NCOA2: variants seen among roughly 807,000 people sequenced by gnomAD.
NCOA2 encodes class E basic helix-loop-helix protein 75.
A neutral mutation model predicts 145.1 loss-of-function variants in NCOA2; 21 were observed. That is an observed-to-expected ratio of 0.14 (90% CI 0.10 to 0.21). NCOA2 has a LOEUF of 0.21. Among genes scored for constraint, NCOA2 ranks in the 10% least tolerant of loss-of-function variants. The pLI is 1.00. For missense variants in NCOA2, 1,472 were observed against 1,837.6 expected, an observed-to-expected ratio of 0.80 and a Z score of 3.64; for synonymous variants, 619 against 637.5, an observed-to-expected ratio of 0.97 and a Z score of 0.44.
chr8:70,163,373 T>C (rs1813262048), intron 8 of NCOA2, 92 bp downstream of exon 8: 3 of 881,526 alleles, frequency 3.4e-6, no homozygotes, highest in Non-Finnish European at 5.4e-6. Flanking sequence ...AGTACTAGCA[T>C]CCTTACAGTC....
Position 70,148,376 on chromosome 8 carries a change from A to T in NCOA2, c.2502T>A (p.Val834=). Residue 834 remains valine, a synonymous_variant, in exon 12 of 23, where the codon GTT becomes GTA. Transcript: ENST00000452400. ...GGTCATTGATGATGGCTTGCTTGTC[A>T]ACTGATCCAGCAGGGGCGCCTGGCC... ...DTRPGAPAGS[V]DKQAIINDLM... 1 of 1,614,018 alleles carries T rather than the reference A, an allele frequency of 6.2e-7. No homozygotes were observed. Among genetic ancestry groups the T allele is most frequent in the Non-Finnish European group, 8.5e-7 (1 of 1,179,886 alleles).
chr8:70,248,353 T>C (rs1283708453), intron 2 of NCOA2, among the ~76,000 whole-genome samples: 1 of 152,224 alleles, frequency 6.6e-6, no homozygotes, highest in African/African-American at 2.4e-5. Context: ...TGCAAAGTTC[T>C]CTTGTGCCTG....
the NCOA2 span, among the ~76,000 whole-genome samples, chr8:70,419,352 A>C: frequency 6.6e-6 from 1 of 152,168 alleles, no homozygotes; most frequent in Non-Finnish European, 1.5e-5. Flanking sequence ...ATAGTCAATG[A>C]AAATGTGTGT....
chr8:70,417,245 T>TAAAAAAAAAAAAAAAAAAAAAAAAAAA, the NCOA2 span, among the ~76,000 whole-genome samples: 6 of 77,994 alleles, frequency 7.7e-5, no homozygotes, highest in African/African-American at 4.4e-4. Context: ...TCGTCTCTAT[T>TAAAAAAAAAAAAAAAAAAAAAAAAAAA]AAAAAAAAAA....
intron 1 of NCOA2, among the ~76,000 whole-genome samples, chr8:70,326,433 A>ACACACACACACACACACACACGTG: frequency 6.9e-6 from 1 of 144,658 alleles, no homozygotes; most frequent in Admixed American, 6.8e-5. Context: ...TCTCTCTCAC[A>ACACACACACACACACACACACGTG]CACACACACA....
the NCOA2 span, among the ~76,000 whole-genome samples, chr8:70,439,793 G>A: frequency 2.0e-5 from 3 of 152,306 alleles, no homozygotes; most frequent in Middle Eastern, 3.4e-3. Context: ...GATCAAGCCT[G>A]CATGGACTCT....
intron 1 of NCOA2, among the ~76,000 whole-genome samples, chr8:70,342,777 ACACACAC>A (rs1808252879): frequency 6.2e-5 from 2 of 32,504 alleles, no homozygotes; most frequent in East Asian, 1.5e-3. Flanking sequence ...TTGCAATTAC[ACACACAC>A]ACACACACAC....
intron 1 of NCOA2, among the ~76,000 whole-genome samples, chr8:70,328,426 T>TA (rs1265695730): frequency 6.6e-6 from 1 of 152,228 alleles, no homozygotes; most frequent in East Asian, 1.9e-4. Flanking sequence ...CTAGGTCTCC[T>TA]AGACATCATT....
chr8:70,136,432 C>G (rs1294377967), intron 15 of NCOA2, among the ~76,000 whole-genome samples: 1 of 151,830 alleles, frequency 6.6e-6, no homozygotes, highest in Admixed American at 6.6e-5. Flanking sequence ...TCATGAAAGA[C>G]AGCTATTGTA....
intron 2 of NCOA2, chr8:70,273,756 C>T (rs1825249371): frequency 1.7e-6 from 1 of 602,276 alleles, no homozygotes; most frequent in Non-Finnish European, 3.2e-6. Context: ...TGGAAAAGCA[C>T]CACTTACTAC....
At chr8:70,364,720 A>G (rs188427374) in intron 1 of NCOA2, among the ~76,000 whole-genome samples, 388 of 150,276 alleles carry the variant, frequency 2.6e-3, no homozygotes, top group Non-Finnish European at 4.7e-3. Flanking sequence ...TGACCACTAC[A>G]TTATTCCATC....
intron 1 of NCOA2, among the ~76,000 whole-genome samples, chr8:70,333,078 T>C (rs1195551645): frequency 6.6e-6 from 1 of 152,174 alleles, no homozygotes; most frequent in Non-Finnish European, 1.5e-5. Flanking sequence ...GATTCAAACT[T>C]ATGATTTCAT....
upstream of NCOA2, among the ~76,000 whole-genome samples, chr8:70,404,864 T>C (rs539782081): frequency 1.1e-4 from 16 of 152,050 alleles, no homozygotes; most frequent in African/African-American, 3.4e-4. Context: ...TTCCAACTTA[T>C]ACGGTAATTA....
chr8:70,151,912 T>C lies in NCOA2; in HGVS notation c.2395-3429A>G, dbSNP rs115083470. Among the ~76,000 whole-genome samples the C allele has an allele frequency of 2.7e-3, 412 of 152,248 alleles. 2 individuals carry two copies. The highest frequency in any genetic ancestry group is 7.3e-3 in the African/African-American group (304 of 41,548). ...CAGAATTTTTTTTTTTCTGTATTCA[T>C]GTAAGTTTTGGAAGGAATAAATTTG... On this transcript the variant is annotated intron_variant, in intron 11 of 22. Transcript: ENST00000452400.
intron 4 of NCOA2, among the ~76,000 whole-genome samples, chr8:70,193,524 T>C (rs979551791): frequency 1.3e-5 from 2 of 152,342 alleles, no homozygotes; most frequent in African/African-American, 4.8e-5. Flanking sequence ...TTCAGCTATC[T>C]AACAATATTC....
chr8:70,375,366 G>C (rs1043655624), intron 1 of NCOA2, among the ~76,000 whole-genome samples: 1 of 152,150 alleles, frequency 6.6e-6, no homozygotes, highest in Admixed American at 6.5e-5. Flanking sequence ...ATGAAGAAAA[G>C]CCTTTGCTTG....
At chr8:70,280,882 C>T (rs891969982) in intron 2 of NCOA2, among the ~76,000 whole-genome samples, 1 of 151,926 alleles carries the variant, frequency 6.6e-6, no homozygotes, top group African/African-American at 2.4e-5. Context: ...GGGCTTCCCA[C>T]TCATACACGA....
the NCOA2 span, among the ~76,000 whole-genome samples, chr8:70,417,245 T>TAAAAAAAAAAAAGAAA: frequency 1.3e-5 from 1 of 78,044 alleles, no homozygotes; most frequent in African/African-American, 8.9e-5. Context: ...TCGTCTCTAT[T>TAAAAAAAAAAAAGAAA]AAAAAAAAAA....
intron 1 of NCOA2, among the ~76,000 whole-genome samples, chr8:70,394,195 G>T (rs1003432220): frequency 1.7e-4 from 26 of 152,140 alleles, no homozygotes; most frequent in African/African-American, 6.0e-4. Context: ...CACTCTTGTT[G>T]CCCAGGCTGG....
Sources: allele counts gnomAD v4.1 joint callset (sites outside exome capture counted in the v4.1 genomes callset), GRCh38; gene constraint gnomAD v4.1.1; transcripts MANE v1.5; gene names NCBI Gene and HGNC (gene_info 2026-07-23, HGNC 2026-07-21).